Variants in NCOA1 observed in about 807,000 individuals in gnomAD.
NCOA1 encodes Hin-2 protein.
A neutral mutation model predicts 150.9 loss-of-function variants in NCOA1; 35 were observed. The observed-to-expected ratio is 0.23, with a 90% CI of 0.18 to 0.31. The LOEUF is 0.31. NCOA1 is among the 10% of genes least tolerant of loss of function. The pLI is 1.00. For missense variants in NCOA1, 1,491 were observed against 1,749.3 expected (o/e 0.85, Z 2.63); for synonymous variants, 590 against 630.0 (o/e 0.94, Z 0.95).
chr2:24,668,349 A>G (rs1350308419), intron 6 of NCOA1, among the ~76,000 whole-genome samples: 1 of 152,100 alleles, frequency 6.6e-6, no homozygotes, highest in Non-Finnish European at 1.5e-5. Flanking sequence ...GTTGTTGTAA[A>G]AGAAAGATAA....
intron 3 of NCOA1, among the ~76,000 whole-genome samples, chr2:24,596,475 C>T (rs938826935): frequency 6.6e-6 from 1 of 151,988 alleles, no homozygotes; most frequent in African/African-American, 2.4e-5. Context: ...AAAGAAATCT[C>T]CTAATTTAAA....
intron 1 of NCOA1, among the ~76,000 whole-genome samples, chr2:24,493,362 G>A (rs192755811): frequency 1.3e-5 from 2 of 152,342 alleles, no homozygotes; most frequent in East Asian, 3.8e-4. Flanking sequence ...GGTTTAGAGA[G>A]AAAATAGAGG....
chr2:24,670,805 T>G (rs1671648712), intron 6 of NCOA1, among the ~76,000 whole-genome samples: 1 of 152,242 alleles, frequency 6.6e-6, no homozygotes, highest in Admixed American at 6.5e-5. Context: ...ATTGTGTGCC[T>G]TAAATGAGTT....
chr2:24,613,315 G>A (rs1280016787), intron 3 of NCOA1, among the ~76,000 whole-genome samples: 1 of 152,220 alleles, frequency 6.6e-6, no homozygotes, highest in Non-Finnish European at 1.5e-5. Context: ...TTTACAGGAA[G>A]AAGCTCTCTG....
intron 20 of NCOA1, among the ~76,000 whole-genome samples, chr2:24,756,631 G>A (rs1664513127): frequency 6.6e-6 from 1 of 152,136 alleles, no homozygotes; most frequent in African/African-American, 2.4e-5. Flanking sequence ...ATTAAAATAG[G>A]TGGAATTTTA....
chr2:24,716,212 A>C (rs1420810321), intron 14 of NCOA1, among the ~76,000 whole-genome samples: 1 of 151,370 alleles, frequency 6.6e-6, no homozygotes, highest in Non-Finnish European at 1.5e-5. Context: ...TCTAAAGTGT[A>C]TATGAGAATG....
intron 14 of NCOA1, among the ~76,000 whole-genome samples, chr2:24,715,234 A>C (rs999098049): frequency 6.6e-6 from 1 of 152,204 alleles, no homozygotes; most frequent in East Asian, 1.9e-4. Context: ...AAGTAAAGGT[A>C]TGAATAAATG....
At chr2:24,697,562 G>A (rs1242145505) in intron 10 of NCOA1, 96 bp from the exon 11 acceptor site, 5 of 1,094,286 alleles carry the variant, frequency 4.6e-6, no homozygotes, top group East Asian at 2.5e-5. Flanking sequence ...TTGAGTATTT[G>A]GAAAGAATAT....
intron 2 of NCOA1, among the ~76,000 whole-genome samples, chr2:24,576,149 G>GTTTTTTTTTGTTTGTTTTTTTTTTTTTT (rs1666947727): frequency 1.1e-5 from 1 of 94,026 alleles, no homozygotes; most frequent in African/African-American, 4.5e-5. Flanking sequence ...TTTGGCCTTT[G>GTTTTTTTTTGTTTGTTTTTTTTTTTTTT]TTTTTTTTTT....
chr2:24,708,811 A>G (rs140589344), intron 13 of NCOA1, among the ~76,000 whole-genome samples: 140 of 152,334 alleles, frequency 9.2e-4, no homozygotes, highest in Admixed American at 4.8e-3. Flanking sequence ...TCCCTCAGAA[A>G]TACTGCATTC....
chr2:24,575,622 G>A (rs1666923066), intron 2 of NCOA1, among the ~76,000 whole-genome samples: 1 of 144,486 alleles, frequency 6.9e-6, no homozygotes, highest in South Asian at 2.2e-4. Flanking sequence ...CACCCAGGCT[G>A]GCATGCAGTG....
chr2:24,559,269 C>G (rs1014589327), intron 1 of NCOA1, among the ~76,000 whole-genome samples: 14 of 152,080 alleles, frequency 9.2e-5, no homozygotes, highest in African/African-American at 3.1e-4. Context: ...AAGAGTTGAG[C>G]TGATTTTGGG....
intron 4 of NCOA1, 105 bp from the exon 5 acceptor site, chr2:24,658,556 A>C (rs1671044652): frequency 1.4e-6 from 1 of 734,086 alleles, no homozygotes; most frequent in African/African-American, 1.8e-5. Flanking sequence ...ATTCATTGAT[A>C]TAGCACAATT....
chr2:24,641,620 T>C (rs1670220032), intron 3 of NCOA1, among the ~76,000 whole-genome samples: 1 of 152,176 alleles, frequency 6.6e-6, no homozygotes, highest in Admixed American at 6.5e-5. Flanking sequence ...TTGCTGGATG[T>C]AGAATTGTGG....
intron 3 of NCOA1, among the ~76,000 whole-genome samples, chr2:24,611,106 C>T (rs1458349796): frequency 6.6e-6 from 1 of 152,192 alleles, no homozygotes; most frequent in Non-Finnish European, 1.5e-5. Flanking sequence ...GCTCCCATCT[C>T]TCCCTCCCTG....
intron 1 of NCOA1, among the ~76,000 whole-genome samples, chr2:24,518,848 T>G (rs1664309403): frequency 6.6e-6 from 1 of 152,148 alleles, no homozygotes. Context: ...TGGAGAGAGA[T>G]ACTGTGTTTA....
chr2:24,575,795 G>A (rs1327386281), intron 2 of NCOA1, among the ~76,000 whole-genome samples: 5 of 151,980 alleles, frequency 3.3e-5, no homozygotes, highest in Admixed American at 6.6e-5. Context: ...GGATGGTCTC[G>A]ATCTCCTGAC....
intron 1 of NCOA1, among the ~76,000 whole-genome samples, chr2:24,560,004 G>A (rs1173955486): frequency 1.3e-5 from 2 of 152,130 alleles, no homozygotes; most frequent in Non-Finnish European, 2.9e-5. Flanking sequence ...GGGGAATCAG[G>A]CTTCAGCCTT....
chr2:24,691,962 G>GT (rs1672685105), intron 9 of NCOA1, among the ~76,000 whole-genome samples: 1 of 152,180 alleles, frequency 6.6e-6, no homozygotes, highest in South Asian at 2.1e-4. Flanking sequence ...ACTGCTGCCA[G>GT]TTGGAAATGT....
Sources: gnomAD v4.1 joint callset for allele counts (sites outside exome capture counted in the v4.1 genomes callset) on GRCh38, gnomAD v4.1.1 for gene constraint, MANE v1.5 for transcripts, NCBI Gene and HGNC (gene_info 2026-07-23, HGNC 2026-07-21) for gene names.